AFDN: variants seen among roughly 807,000 people sequenced by gnomAD.
The protein encoded by AFDN is afadin.
AFDN carries 68 observed loss-of-function variants against 216.6 expected under a neutral mutation model. The observed-to-expected ratio is 0.31, with a 90% CI of 0.26 to 0.38. The LOEUF is 0.38. AFDN is among the 10% of genes least tolerant of loss of function. The pLI is 1.00. For missense variants in AFDN, 2,136 were observed against 2,342.0 expected, an observed-to-expected ratio of 0.91 and a Z score of 1.82; for synonymous variants, 868 against 853.7, an observed-to-expected ratio of 1.02 and a Z score of -0.29.
intron 23 of AFDN, among the ~76,000 whole-genome samples, chr6:167,926,110 A>G (rs893210283): frequency 1.3e-5 from 2 of 152,250 alleles, no homozygotes; most frequent in South Asian, 2.1e-4. Context: ...CCAGAATTAT[A>G]TTATCCTGAA....
At position 167,943,113 on chromosome 6, in the gene AFDN, C is replaced by G; in HGVS notation, c.3100-16C>G. ...TATATCTTCAATGCAGTGTTTTCGC[C>G]TTGTTTTTGCAATAGGGTGCTGGTC... On this transcript the variant is annotated splice_polypyrimidine_tract_variant and intron_variant, in intron 23 of 33. Coordinates refer to ENST00000683244, the MANE Select transcript of AFDN (RefSeq NM_001386888.1). 3 of 1,610,918 alleles carry G rather than the reference C, an allele frequency of 1.9e-6. No individual in the cohort carries two copies. The highest frequency in any genetic ancestry group is 1.7e-5 in the Admixed American group (1 of 59,400).
chr6:167,963,752 C>T (rs1797262491), intron 31 of AFDN: 1 of 1,062,060 alleles, frequency 9.4e-7, no homozygotes, highest in Non-Finnish European at 1.1e-6. Context: ...ATTAGGTTCC[C>T]CTGTGAGTCT....
chr6:167,904,031 T>C (rs536593878), intron 12 of AFDN, among the ~76,000 whole-genome samples: 1 of 152,328 alleles, frequency 6.6e-6, no homozygotes, highest in East Asian at 1.9e-4. Context: ...CTTCCTCTTA[T>C]GCTTCACTCC....
At position 167,872,498 on chromosome 6, in the gene AFDN, GT is replaced by G. The variant is rs1169266341; in HGVS notation, c.578+124del. 2.7e-6 allele frequency: 3 copies of G among 1,101,954 alleles called. No homozygotes were observed. The African/African-American group carries it at 4.7e-5, about 17-fold the overall frequency. The allele number at this position is 1,101,954 out of a possible 1,614,324, so 68.3% of individuals were successfully genotyped here. ...AGGATGAGTATCAGTCAGGAAATGT[GT>G]TTGGGTCTACTCCCAGCTCTTCTGT... On this transcript the variant is annotated intron_variant, in intron 4 of 33. Transcript: ENST00000683244.
intron 12 of AFDN, among the ~76,000 whole-genome samples, chr6:167,906,057 C>T (rs372551635): frequency 2.6e-5 from 4 of 152,128 alleles, no homozygotes; most frequent in East Asian, 1.9e-4. Flanking sequence ...GAGCTGAGAT[C>T]GCGCCACTGC....
At chr6:167,901,337 T>C (rs1049434677) in intron 11 of AFDN, among the ~76,000 whole-genome samples, 1 of 152,178 alleles carries the variant, frequency 6.6e-6, no homozygotes, top group Non-Finnish European at 1.5e-5. Flanking sequence ...CACTCTCCAA[T>C]GAGCTGGGAC....
At chr6:167,864,339 A>G (rs376391719) in intron 1 of AFDN, 1 of 747,440 alleles carries the variant, frequency 1.3e-6, no homozygotes, top group African/African-American at 1.7e-5. Flanking sequence ...TTCATACGTG[A>G]CACAGGTGAG....
At chr6:167,965,720 C>G in intron 31 of AFDN, 37 bp from the exon 32 acceptor site, 3 of 1,494,324 alleles carry the variant, frequency 2.0e-6, no homozygotes, top group South Asian at 1.4e-5. Flanking sequence ...CCCTTCTCAC[C>G]TCTGACCTTT....
intron 20 of AFDN, among the ~76,000 whole-genome samples, chr6:167,918,455 TTTC>T (rs1791381226): frequency 6.6e-6 from 1 of 151,002 alleles, no homozygotes; most frequent in South Asian, 2.1e-4. Context: ...GATTGAACAA[TTTC>T]TTTTTATTTA....
Position 167,898,054 on chromosome 6 carries a change from G to A in AFDN, c.1318-151G>A, listed in dbSNP as rs9346630. ...TTTGACAGTTTAATTATTTTTATAC[G>A]ATTGAGGGAAATCCACTTTAAAAGG... On this transcript the variant is annotated intron_variant, in intron 10 of 33. Coordinates refer to ENST00000683244, the MANE Select transcript of AFDN (RefSeq NM_001386888.1). 4.7e-5 allele frequency: 38 copies of A among 811,404 alleles called. No homozygotes were observed. The South Asian group carries it at 4.8e-4, about 10-fold the overall frequency. 50.3% of individuals were successfully genotyped at this position (811,404 alleles called of 1,614,324 possible).
At chr6:167,843,153 G>C (rs2187984) in intron 1 of AFDN, among the ~76,000 whole-genome samples, 7 of 151,640 alleles carry the variant, frequency 4.6e-5, no homozygotes, top group Non-Finnish European at 1.0e-4. Context: ...TAGCCTATGT[G>C]CAAATATTAC....
intron 1 of AFDN, among the ~76,000 whole-genome samples, chr6:167,834,833 A>T (rs1463170024): frequency 1.3e-5 from 2 of 151,902 alleles, no homozygotes; most frequent in Non-Finnish European, 2.9e-5. Context: ...TTAAAAAAAA[A>T]TTAACAAGCA....
chr6:167,906,968 C>T (rs993551773), intron 12 of AFDN, among the ~76,000 whole-genome samples: 1 of 152,236 alleles, frequency 6.6e-6, no homozygotes. Flanking sequence ...AGTGGCTGTG[C>T]GTCTTCCTAT....
chr6:167,939,235 A>G (rs773078841), intron 23 of AFDN, among the ~76,000 whole-genome samples: 23 of 152,174 alleles, frequency 1.5e-4, no homozygotes, highest in Non-Finnish European at 2.6e-4. Flanking sequence ...TAGTAAAGGG[A>G]TGATTTTTAT....
At chr6:167,886,380 AGAGTTC>A (rs1465870012) in intron 6 of AFDN, among the ~76,000 whole-genome samples, 4 of 152,224 alleles carry the variant, frequency 2.6e-5, no homozygotes, top group Non-Finnish European at 5.9e-5. Context: ...GTCATGAACT[AGAGTTC>A]TGCCATACTC....
intron 1 of AFDN, 27 bp downstream of exon 1, chr6:167,827,264 C>A (rs2128040719): frequency 3.0e-6 from 3 of 992,886 alleles, no homozygotes; most frequent in South Asian, 6.7e-5. Flanking sequence ...GCGGGGCCTG[C>A]GCGACCCCCG....
chr6:167,911,829 C>G lies in AFDN; in HGVS notation c.2037+340C>G. 1.6e-5 allele frequency: 5 copies of G among 319,646 alleles called. No individual in the cohort carries two copies. The South Asian group carries it at 1.6e-4, about 10-fold the overall frequency. 19.8% of individuals were successfully genotyped at this position (319,646 alleles called of 1,614,324 possible). ...ATAATATTAACCATTTTGAAGTGAA[C>G]AATTCAGTCGCATTTGGTGCATTCA... On this transcript the variant is annotated intron_variant, in intron 15 of 33. Transcript: ENST00000683244.
intron 8 of AFDN, among the ~76,000 whole-genome samples, chr6:167,891,445 G>A (rs2128342251): frequency 6.7e-6 from 1 of 148,686 alleles, no homozygotes; most frequent in African/African-American, 2.5e-5. Flanking sequence ...GTGTGTGTGT[G>A]TGTGTGGCTG....
At chr6:167,832,975 C>T (rs887347088) in intron 1 of AFDN, among the ~76,000 whole-genome samples, 1 of 152,194 alleles carries the variant, frequency 6.6e-6, no homozygotes, top group Non-Finnish European at 1.5e-5. Flanking sequence ...TATACCAGGA[C>T]AACAGCCATA....
Sources: gnomAD v4.1 joint callset for allele counts (sites outside exome capture counted in the v4.1 genomes callset) on GRCh38, gnomAD v4.1.1 for gene constraint, MANE v1.5 for transcripts, NCBI Gene and HGNC (gene_info 2026-07-23, HGNC 2026-07-21) for gene names.